SNX13: variants seen among roughly 807,000 people sequenced by gnomAD.
The protein encoded by SNX13 is sorting nexin-13.
A neutral mutation model predicts 133.6 loss-of-function variants in SNX13; 45 were observed. That is an observed-to-expected ratio of 0.34 (90% CI 0.27 to 0.43). The LOEUF is 0.43. SNX13 is among the 20% of genes least tolerant of loss of function. SNX13 has a pLI of 1.00. For synonymous variants in SNX13, 414 were observed against 373.9 expected (o/e 1.11, Z -1.24); for missense variants, 1,032 against 1,145.1 (o/e 0.90, Z 1.43).
At chr7:17,902,326 C>T (rs1368584270) in intron 1 of SNX13, among the ~76,000 whole-genome samples, 3 of 139,680 alleles carry the variant, frequency 2.1e-5, no homozygotes, top group Non-Finnish European at 4.6e-5. Flanking sequence ...CCACAGACTA[C>T]AAAAATTAGG....
In SNX13 at chr7:17,814,937, A is replaced by G; in HGVS notation, c.1961T>C (p.Leu654Ser). The change falls in exon 20 of 26, where the codon TTA (leucine) becomes TCA (serine). Residue 654 changes from leucine to serine, a missense_variant. By Grantham distance (145) the Leu-to-Ser change is moderately radical. Coordinates refer to ENST00000428135, the MANE Select transcript of SNX13 (RefSeq NM_015132.5). The stretch of plus-strand genomic sequence containing the variant: ...GGATGCCTTCATCATTTCAGGAGCT[A>G]ACAGTAACTAACAAGAAAAAAAAAA... ...KDLNAYLQLLLAPEMMKASPA... is the reference protein window; with the variant it reads ...KDLNAYLQLLSAPEMMKASPA... 2.1e-6 allele frequency: 3 copies of G among 1,435,614 alleles called. No homozygotes were observed. The highest frequency in any genetic ancestry group is 1.8e-6 in the Non-Finnish European group (2 of 1,108,432). 88.9% of individuals were successfully genotyped at this position (1,435,614 alleles called of 1,614,324 possible).
At chr7:17,803,039 T>C (rs1045704229) in intron 21 of SNX13, among the ~76,000 whole-genome samples, 1 of 152,188 alleles carries the variant, frequency 6.6e-6, no homozygotes, top group African/African-American at 2.4e-5. Context: ...TAAGACTTTA[T>C]GCTTCCTGAG....
intron 18 of SNX13, among the ~76,000 whole-genome samples, chr7:17,817,265 C>T (rs1030118442): frequency 2.6e-5 from 4 of 152,158 alleles, no homozygotes; most frequent in African/African-American, 9.7e-5. Context: ...TTTAACCATA[C>T]GAGCTGCTAA....
chr7:17,927,181 G>T (rs140511050), intron 1 of SNX13, among the ~76,000 whole-genome samples: 1 of 149,670 alleles, frequency 6.7e-6, no homozygotes, highest in Admixed American at 6.7e-5. Flanking sequence ...TATATTATGC[G>T]TGTACATATA....
chr7:17,931,939 G>A (rs1023927997), intron 1 of SNX13, among the ~76,000 whole-genome samples: 1 of 152,160 alleles, frequency 6.6e-6, no homozygotes, highest in Non-Finnish European at 1.5e-5. Context: ...GAACAGAGAC[G>A]CATTTTAGTT....
intron 20 of SNX13, among the ~76,000 whole-genome samples, chr7:17,805,263 GCGCATGCA>G (rs1224372884): frequency 1.3e-5 from 2 of 148,158 alleles, no homozygotes; most frequent in African/African-American, 5.0e-5. Flanking sequence ...GTGCGCGCGC[GCGCATGCA>G]TGCACATGTG....
At chr7:17,868,625 A>C (rs1793688911) in intron 8 of SNX13, 135 bp from the exon 9 acceptor site, 1 of 626,226 alleles carries the variant, frequency 1.6e-6, no homozygotes, top group South Asian at 2.3e-5. Flanking sequence ...TAAGCAACAC[A>C]GTCTTATAAA....
Position 17,932,615 on chromosome 7 carries a change from G to A in SNX13, c.12+7669C>T, listed in dbSNP as rs573774872. Among the ~76,000 whole-genome samples the A allele has an allele frequency of 1.1e-4, 16 of 152,266 alleles. No individual in the cohort carries two copies. The East Asian group carries it at 2.9e-3, about 28-fold the overall frequency. On this transcript the variant is annotated intron_variant, in intron 1 of 25. Transcript: ENST00000428135. ...AGTACACCTATGAGGCCCATCCTCAGGAGTTTACTCTATTAGGGAAAAACA... is the reference window on the plus strand; with the variant it reads ...AGTACACCTATGAGGCCCATCCTCAAGAGTTTACTCTATTAGGGAAAAACA...
At chr7:17,843,438 AACAG>A (rs1281372487) in intron 12 of SNX13, among the ~76,000 whole-genome samples, 5 of 152,148 alleles carry the variant, frequency 3.3e-5, no homozygotes, top group African/African-American at 1.2e-4. Context: ...ATGAAGCAAA[AACAG>A]ACAGATTTGA....
At chr7:17,920,030 C>T (rs1469824810) in intron 1 of SNX13, among the ~76,000 whole-genome samples, 2 of 151,972 alleles carry the variant, frequency 1.3e-5, no homozygotes, top group Non-Finnish European at 2.9e-5. Context: ...AAAAAGTATC[C>T]TTTTGATGTG....
intron 20 of SNX13, among the ~76,000 whole-genome samples, chr7:17,805,256 C>CGCGCGT (rs1785137130): frequency 1.7e-5 from 1 of 58,236 alleles, no homozygotes. Flanking sequence ...TGTGTGCGTG[C>CGCGCGT]GCGCGCGCGC....
At chr7:17,796,138 C>A (rs1213998601) in intron 25 of SNX13, 1 of 151,646 alleles carries the variant, frequency 6.6e-6, no homozygotes, top group East Asian at 1.9e-4. Context: ...CACCACCTCC[C>A]AGCCGCATTA....
chr7:17,932,441 T>C (rs80198139), intron 1 of SNX13, among the ~76,000 whole-genome samples: 2,823 of 152,334 alleles, frequency 0.019, 49 homozygotes, highest in Non-Finnish European at 0.031. Flanking sequence ...GGGTAATTAA[T>C]ATGATGGTTT....
intron 20 of SNX13, among the ~76,000 whole-genome samples, chr7:17,811,860 G>C (rs1051677026): frequency 1.3e-5 from 2 of 152,058 alleles, no homozygotes; most frequent in African/African-American, 4.8e-5. Context: ...ACAACCATCT[G>C]ATCTTTGAAA....
chr7:17,920,283 A>G (rs1240293960), intron 1 of SNX13, among the ~76,000 whole-genome samples: 5 of 152,160 alleles, frequency 3.3e-5, no homozygotes, highest in African/African-American at 4.8e-5. Context: ...TTCACTTAGC[A>G]ATTTTCTTAT....
rs972262785 is a variant in SNX13 at position 17,790,981 on chromosome 7, C to T, written c.*3064G>A. The T allele has an allele frequency of 3.9e-5, 6 of 151,910 alleles. No individual in the cohort carries two copies. The highest frequency in any genetic ancestry group is 2.9e-5 in the Non-Finnish European group (2 of 67,870). 9.4% of individuals were successfully genotyped at this position (151,910 alleles called of 1,614,324 possible). On this transcript the variant is annotated 3_prime_UTR_variant, in exon 26 of 26. Transcript: ENST00000428135. ...AACAATTATAATCCTAAAATGTGCT[C>T]TTCATATTTTTTCCCTTGTAATACA...
chr7:17,869,313 A>T (rs1793766035), intron 8 of SNX13, among the ~76,000 whole-genome samples: 1 of 152,092 alleles, frequency 6.6e-6, no homozygotes, highest in African/African-American at 2.4e-5. Context: ...ATTCTCAAAA[A>T]TATTTACCTT....
At chr7:17,889,758 T>C (rs2127991181) in intron 5 of SNX13, 1 of 152,264 alleles carries the variant, frequency 6.6e-6, no homozygotes, top group African/African-American at 2.4e-5. Context: ...AACACTTTCA[T>C]CATATGGGAA....
chr7:17,914,220 T>C (rs1376005855), intron 1 of SNX13, among the ~76,000 whole-genome samples: 9 of 150,376 alleles, frequency 6.0e-5, no homozygotes, highest in Admixed American at 6.0e-4. Flanking sequence ...AAAAAAAGAC[T>C]TCGAGAAATA....
Sources: gnomAD v4.1 joint callset for allele counts (sites outside exome capture counted in the v4.1 genomes callset) on GRCh38, gnomAD v4.1.1 for gene constraint, MANE v1.5 for transcripts, NCBI Gene and HGNC (gene_info 2026-07-23, HGNC 2026-07-21) for gene names.